Variants in CSMD2 observed in about 807,000 individuals in gnomAD.
CSMD2 encodes CUB and Sushi multiple domains 2.
Under a neutral mutation model 398.5 loss-of-function variants are expected in CSMD2, and 130 were observed. The ratio of observed to expected loss-of-function variants is 0.33; its 90% CI spans 0.28 to 0.38. The LOEUF is 0.38. CSMD2 is among the 10% of genes least tolerant of loss of function. The pLI, the probability that CSMD2 is intolerant of heterozygous loss-of-function variation, is 1.00. For missense variants in CSMD2, 3,829 were observed against 4,764.9 expected (o/e 0.80, Z 5.78); for synonymous variants, 1,828 against 1,908.5 (o/e 0.96, Z 1.10).
chr1:33,901,306 G>C (rs190523417), intron 5 of CSMD2, among the ~76,000 whole-genome samples: 1 of 152,174 alleles, frequency 6.6e-6, no homozygotes, highest in African/African-American at 2.4e-5. Flanking sequence ...GGTGAGATGC[G>C]GTTGGCTGTG....
At chr1:34,134,052 C>CAAAAAAAAAAAAAA in intron 1 of CSMD2, among the ~76,000 whole-genome samples, 1 of 85,232 alleles carries the variant, frequency 1.2e-5, no homozygotes, top group Admixed American at 1.2e-4. Flanking sequence ...GACTCTGTCT[C>CAAAAAAAAAAAAAA]AAAAAAAAAA....
At chr1:33,565,346 A>G (rs922249521) in intron 53 of CSMD2, among the ~76,000 whole-genome samples, 6 of 152,214 alleles carry the variant, frequency 3.9e-5, no homozygotes, top group African/African-American at 1.4e-4. Flanking sequence ...GATAAAGGGA[A>G]TAAGAAGCAA....
chr1:33,987,093 T>G (rs1482950005), intron 3 of CSMD2, among the ~76,000 whole-genome samples: 2 of 152,090 alleles, frequency 1.3e-5, no homozygotes, highest in Non-Finnish European at 2.9e-5. Flanking sequence ...AAGTAGCCAA[T>G]GAATGCACAG....
intron 25 of CSMD2, 82 bp from the exon 26 acceptor site, chr1:33,663,174 G>C: frequency 8.4e-7 from 1 of 1,191,426 alleles, no homozygotes; most frequent in Non-Finnish European, 1.2e-6. Flanking sequence ...CTAAACCTAC[G>C]AAGACTGGCC....
At chr1:33,932,577 G>C (rs553017435) in intron 4 of CSMD2, among the ~76,000 whole-genome samples, 3 of 152,188 alleles carry the variant, frequency 2.0e-5, no homozygotes, top group African/African-American at 7.2e-5. Context: ...TCCTTCCCTC[G>C]GAAGGGCCAG....
intron 5 of CSMD2, among the ~76,000 whole-genome samples, chr1:33,899,960 T>G (rs1241250242): frequency 6.6e-6 from 1 of 152,128 alleles, no homozygotes; most frequent in African/African-American, 2.4e-5. Context: ...ACTTATCAAC[T>G]GCAGAGGCCA....
At chr1:33,714,826 A>G (rs376500689) in intron 20 of CSMD2, 51 bp from the exon 21 acceptor site, 4 of 1,587,710 alleles carry the variant, frequency 2.5e-6, no homozygotes, top group Non-Finnish European at 3.5e-6. Flanking sequence ...GGGAGACACA[A>G]AGCAAAAAGA....
intron 45 of CSMD2, among the ~76,000 whole-genome samples, 194 bp from the exon 46 acceptor site, chr1:33,586,811 T>C (rs1489731819): frequency 3.3e-5 from 5 of 152,224 alleles, no homozygotes; most frequent in Non-Finnish European, 4.4e-5. Context: ...TCAGAATGTT[T>C]CATATTCCAG....
intron 2 of CSMD2, among the ~76,000 whole-genome samples, chr1:34,066,170 G>A (rs1168712877): frequency 6.6e-6 from 1 of 152,194 alleles, no homozygotes; most frequent in Non-Finnish European, 1.5e-5. Flanking sequence ...GAAGAGTGCT[G>A]GGTGCAAGGA....
intron 44 of CSMD2, chr1:33,599,401 A>G (rs975274374): frequency 1.3e-5 from 2 of 152,260 alleles, no homozygotes; most frequent in Non-Finnish European, 2.9e-5. Context: ...TATTAGAACT[A>G]TAATTTATTG....
chr1:33,908,941 A>C (rs1469530713), intron 5 of CSMD2, among the ~76,000 whole-genome samples: 1 of 152,224 alleles, frequency 6.6e-6, no homozygotes, highest in Non-Finnish European at 1.5e-5. Context: ...CCATCAAAAA[A>C]GGACAGTTAC....
intron 46 of CSMD2, among the ~76,000 whole-genome samples, chr1:33,584,770 A>G (rs1638965765): frequency 6.6e-6 from 1 of 150,490 alleles, no homozygotes; most frequent in Non-Finnish European, 1.5e-5. Context: ...GGAATGATGA[A>G]AACTGCATCT....
chr1:33,885,267 T>C (rs530529045), intron 5 of CSMD2: 3 of 152,134 alleles, frequency 2.0e-5, no homozygotes, highest in South Asian at 2.1e-4. Context: ...CAGTGGCCTA[T>C]GCAGAAGAGC....
chr1:33,930,998 C>T (rs1175416696), intron 4 of CSMD2, among the ~76,000 whole-genome samples: 2 of 152,256 alleles, frequency 1.3e-5, no homozygotes, highest in Admixed American at 6.5e-5. Context: ...CAGACACACA[C>T]GGCTTTCCAG....
intron 25 of CSMD2, among the ~76,000 whole-genome samples, chr1:33,676,897 G>T (rs562755288): frequency 2.6e-5 from 4 of 152,292 alleles, no homozygotes; most frequent in South Asian, 2.1e-4. Context: ...TGGGAAAACT[G>T]GCTAGCCATA....
intron 3 of CSMD2, among the ~76,000 whole-genome samples, chr1:34,029,733 T>A (rs549590848): frequency 6.6e-6 from 1 of 152,224 alleles, no homozygotes; most frequent in East Asian, 1.9e-4. Context: ...GCAGAAACCC[T>A]GCAACAGGTG....
chr1:33,746,534 G>A (rs1034340211), intron 13 of CSMD2, among the ~76,000 whole-genome samples: 3 of 152,170 alleles, frequency 2.0e-5, no homozygotes, highest in Admixed American at 2.0e-4. Flanking sequence ...TTGTCATGTT[G>A]CAAAGCTCCA....
At chr1:33,622,606 G>T (rs1641843700) in intron 36 of CSMD2, among the ~76,000 whole-genome samples, 1 of 152,182 alleles carries the variant, frequency 6.6e-6, no homozygotes, top group African/African-American at 2.4e-5. Context: ...CTGCAGTGTG[G>T]ACAGTTTATC....
chr1:33,957,828 A>G (rs916951551), intron 3 of CSMD2, among the ~76,000 whole-genome samples: 15 of 152,114 alleles, frequency 9.9e-5, no homozygotes, highest in Non-Finnish European at 1.9e-4. Context: ...TGCAGTAGAG[A>G]CACCGAACAG....
Sources: gnomAD v4.1 joint callset for allele counts (sites outside exome capture counted in the v4.1 genomes callset) on GRCh38, gnomAD v4.1.1 for gene constraint, MANE v1.5 for transcripts, NCBI Gene and HGNC (gene_info 2026-07-23, HGNC 2026-07-21) for gene names.